Variants in NBEA observed in about 807,000 individuals in gnomAD.
NBEA encodes lysosomal-trafficking regulator 2.
In NBEA, 44 loss-of-function variants were observed where a neutral mutation model predicts 343.4. That is an observed-to-expected ratio of 0.13 (90% CI 0.10 to 0.16). The LOEUF (loss-of-function observed/expected upper bound fraction) is 0.16, where lower values mean the gene tolerates loss of function less well. Ranked by LOEUF, NBEA falls within the 10% of genes least tolerant of loss-of-function variation. NBEA has a pLI of 1.00. For synonymous variants in NBEA, 1,175 were observed against 1,238.7 expected (o/e 0.95, Z 1.08); for missense variants, 2,555 against 3,631.3 (o/e 0.70, Z 7.62).
chr13:35,586,161 C>T (rs188248416), intron 46 of NBEA, among the ~76,000 whole-genome samples: 1 of 152,300 alleles, frequency 6.6e-6, no homozygotes, highest in East Asian at 1.9e-4. Flanking sequence ...TATGAAACTG[C>T]ATCTCCTGTC....
At chr13:35,056,378 T>A (rs1026974446) in intron 7 of NBEA, among the ~76,000 whole-genome samples, 1 of 152,136 alleles carries the variant, frequency 6.6e-6, no homozygotes, top group South Asian at 2.1e-4. Context: ...ATGAATCCTG[T>A]ATTCTGTTTT....
intron 38 of NBEA, among the ~76,000 whole-genome samples, chr13:35,382,716 G>T (rs2042073557): frequency 6.6e-6 from 1 of 151,982 alleles, no homozygotes; most frequent in Non-Finnish European, 1.5e-5. Flanking sequence ...TCCAAAAAGT[G>T]TATTTATATT....
intron 10 of NBEA, among the ~76,000 whole-genome samples, chr13:35,083,436 G>A (rs1032597817): frequency 6.6e-6 from 1 of 152,060 alleles, no homozygotes; most frequent in African/African-American, 2.4e-5. Flanking sequence ...CAAGCCAGAA[G>A]AGAGTGGGGG....
chr13:35,669,997 A>G (rs1442444300), intron 58 of NBEA, among the ~76,000 whole-genome samples: 1 of 152,148 alleles, frequency 6.6e-6, no homozygotes, highest in African/African-American at 2.4e-5. Flanking sequence ...GGAGGGGGGA[A>G]AGATACTAAG....
intron 1 of NBEA, among the ~76,000 whole-genome samples, chr13:34,974,300 T>C (rs73490370): frequency 0.083 from 12,616 of 152,240 alleles, 650 homozygotes; most frequent in African/African-American, 0.13. Context: ...TGCTGCTTCT[T>C]GTTGGCCATC....
At chr13:35,045,835 C>T (rs1056575178) in intron 4 of NBEA, among the ~76,000 whole-genome samples, 21 of 152,136 alleles carry the variant, frequency 1.4e-4, no homozygotes, top group African/African-American at 4.6e-4. Context: ...TCAAGCAATT[C>T]TCCTGCCTCA....
intron 8 of NBEA, among the ~76,000 whole-genome samples, chr13:35,066,238 G>A (rs1466558347): frequency 6.6e-6 from 1 of 152,140 alleles, no homozygotes; most frequent in Non-Finnish European, 1.5e-5. Flanking sequence ...TGTGATTACA[G>A]GCATGAGCCA....
intron 38 of NBEA, among the ~76,000 whole-genome samples, chr13:35,390,358 A>T (rs1486795925): frequency 6.6e-6 from 1 of 152,180 alleles, no homozygotes; most frequent in Non-Finnish European, 1.5e-5. Flanking sequence ...ACTTTAATCC[A>T]TTTGGAACCA....
chr13:35,118,212 A>AT lies in NBEA; in HGVS notation c.2083-10dup. 7.0e-7 allele frequency: 1 copy of AT among 1,425,374 alleles called. No individual in the cohort carries two copies. Among genetic ancestry groups the AT allele is most frequent in the Non-Finnish European group, 9.4e-7 (1 of 1,069,378 alleles). 88.3% of individuals were successfully genotyped at this position (1,425,374 alleles called of 1,614,324 possible). A position where few individuals can be genotyped will look rare whatever the true frequency, so the allele number is the denominator to read the frequency against. ...AATTTTAGATGTAAAGTAATAAAAT[A>AT]TTTTTTAAAAATTAGGATCGAGGGG... On this transcript the variant is annotated splice_polypyrimidine_tract_variant and intron_variant, in intron 14 of 58. Coordinates refer to ENST00000379939, the MANE Select transcript of NBEA (RefSeq NM_001385012.1).
chr13:35,140,329 T>G (rs930680218), intron 17 of NBEA, among the ~76,000 whole-genome samples: 6 of 151,982 alleles, frequency 3.9e-5, no homozygotes, highest in African/African-American at 1.4e-4. Context: ...TAGACTAATT[T>G]AGACATATGT....
chr13:35,179,887 T>C (rs2071193801), intron 28 of NBEA: 1 of 677,748 alleles, frequency 1.5e-6, no homozygotes, highest in Non-Finnish European at 1.8e-6. Flanking sequence ...TCTGTGTTTA[T>C]TGTATCATCA....
chr13:34,942,767 G>C lies in NBEA; in HGVS notation c.-54G>C. 1.6e-6 allele frequency: 2 copies of C among 1,289,686 alleles called. No individual in the cohort carries two copies. Among genetic ancestry groups the C allele is most frequent in the Non-Finnish European group, 2.0e-6 (2 of 1,015,172 alleles). 79.9% of individuals were successfully genotyped at this position (1,289,686 alleles called of 1,614,324 possible). On this transcript the variant is annotated 5_prime_UTR_variant, in exon 1 of 59. Coordinates refer to ENST00000379939, the MANE Select transcript of NBEA (RefSeq NM_001385012.1). Reference sequence around the variant, plus strand: ...GGGCGGGGGCCGAGGCAGGTATAACGGTACCGGCGGCGGCAGCGCCGCTGC... The same window carrying C: ...GGGCGGGGGCCGAGGCAGGTATAACCGTACCGGCGGCGGCAGCGCCGCTGC...
chr13:35,458,109 C>G (rs977907854), intron 40 of NBEA, among the ~76,000 whole-genome samples: 1 of 152,168 alleles, frequency 6.6e-6, no homozygotes, highest in African/African-American at 2.4e-5. Flanking sequence ...ATTGGTGGGT[C>G]AAATAATAAC....
rs145613522 is a variant in NBEA at position 35,533,780 on chromosome 13, A to G, written c.6586-16697A>G. On this transcript the variant is annotated intron_variant, in intron 41 of 58. Coordinates refer to ENST00000379939, the MANE Select transcript of NBEA (RefSeq NM_001385012.1). Reference sequence around the variant, plus strand: ...TTTATTTACTAAACATGCATATTGGAGAAGCATACACTGGCACTCCAGGCA... The same window carrying G: ...TTTATTTACTAAACATGCATATTGGGGAAGCATACACTGGCACTCCAGGCA... 1.2e-4 allele frequency among the ~76,000 whole-genome samples: 18 copies of G among 152,320 alleles called. 1 individual carries two copies. Among genetic ancestry groups the G allele is most frequent in the African/African-American group, 4.1e-4 (17 of 41,574 alleles).
intron 1 of NBEA, among the ~76,000 whole-genome samples, chr13:34,954,021 C>A (rs528373446): frequency 6.6e-6 from 1 of 152,214 alleles, no homozygotes; most frequent in Admixed American, 6.5e-5. Flanking sequence ...CTGAACCCCC[C>A]TATTCATGGA....
At chr13:35,428,719 T>A (rs1365203092) in intron 38 of NBEA, among the ~76,000 whole-genome samples, 1 of 152,264 alleles carries the variant, frequency 6.6e-6, no homozygotes, top group Non-Finnish European at 1.5e-5. Flanking sequence ...GTTGGCATTT[T>A]AGGGTGATCT....
At chr13:35,268,028 G>T (rs2033830411) in intron 34 of NBEA, among the ~76,000 whole-genome samples, 1 of 152,000 alleles carries the variant, frequency 6.6e-6, no homozygotes, top group Non-Finnish European at 1.5e-5. Flanking sequence ...GGAATTGAAA[G>T]CCTGGTCTCA....
intron 41 of NBEA, among the ~76,000 whole-genome samples, chr13:35,489,201 T>C (rs940031462): frequency 6.6e-6 from 1 of 151,810 alleles, no homozygotes; most frequent in East Asian, 1.9e-4. Context: ...GTATCTTGAA[T>C]GGGGAATAAA....
Position 35,040,953 on chromosome 13 carries a change from C to T in NBEA, c.315C>T (p.Asp105=). 1 of 1,612,946 alleles carries T rather than the reference C, an allele frequency of 6.2e-7. No individual in the cohort carries two copies. ...VLNLLVGGEF[D]LEMNFIIQDA... ...TTCAGCTGGTTGGTGGAGAATTTGA[C>T]TTGGAGATGAACTTTATTATCCAGG... The change falls in exon 2 of 59, where the codon GAC becomes GAT. Residue 105 remains aspartate (D), a synonymous_variant. Transcript: ENST00000379939.
Sources: gnomAD v4.1 joint callset for allele counts (sites outside exome capture counted in the v4.1 genomes callset) on GRCh38, gnomAD v4.1.1 for gene constraint, MANE v1.5 for transcripts, NCBI Gene and HGNC (gene_info 2026-07-23, HGNC 2026-07-21) for gene names.